The following MALRD1 variants were observed in gnomAD, a reference collection of about 807,000 sequenced individuals.
MALRD1 encodes MAM and LDL-receptor class A domain-containing protein 1.
MALRD1 carries 247 observed loss-of-function variants against 242.1 expected under a neutral mutation model. That is an observed-to-expected ratio of 1.02 (90% confidence interval 0.92 to 1.13). MALRD1 has a LOEUF of 1.13. Ranked by LOEUF, MALRD1 falls within the 50% of genes most tolerant of loss-of-function variation. The probability of loss-of-function intolerance (pLI) is 0.00; values close to 1 mark genes in which losing one functional copy is unlikely to be tolerated. For synonymous variants in MALRD1, 995 were observed against 866.6 expected, an observed-to-expected ratio of 1.15 and a Z score of -2.60; for missense variants, 2,989 against 2,533.1, an observed-to-expected ratio of 1.18 and a Z score of -3.86.
At chr10:19,489,339 A>G (rs1837380172) in intron 29 of MALRD1, 2 of 537,966 alleles carry the variant, frequency 3.7e-6, no homozygotes, top group Non-Finnish European at 7.5e-6. Flanking sequence ...GAAAACGGGG[A>G]AAGGAAAACT....
At chr10:19,249,140 G>A (rs1239297154) in intron 18 of MALRD1, among the ~76,000 whole-genome samples, 1 of 151,114 alleles carries the variant, frequency 6.6e-6, no homozygotes, top group Non-Finnish European at 1.5e-5. Context: ...TCTAACAAAT[G>A]AAATTGATAT....
At chr10:19,136,439 G>T (rs1833342447) in intron 9 of MALRD1, 135 bp from the exon 10 acceptor site, 2 of 432,328 alleles carry the variant, frequency 4.6e-6, no homozygotes, top group Non-Finnish European at 3.9e-6. Context: ...TATCAAACAG[G>T]AACTTTGTTA....
intron 18 of MALRD1, among the ~76,000 whole-genome samples, chr10:19,235,452 T>C (rs1048316353): frequency 3.7e-5 from 5 of 135,118 alleles, no homozygotes; most frequent in African/African-American, 1.4e-4. Context: ...CCTTTGCCCA[T>C]TTTTTAATCG....
At chr10:19,395,348 C>T (rs1444163854) in intron 28 of MALRD1, among the ~76,000 whole-genome samples, 1 of 152,092 alleles carries the variant, frequency 6.6e-6, no homozygotes, top group African/African-American at 2.4e-5. Flanking sequence ...AGACATCAAT[C>T]AACATATGTA....
At chr10:19,072,260 A>G (rs1026408448) in intron 2 of MALRD1, among the ~76,000 whole-genome samples, 35 of 152,038 alleles carry the variant, frequency 2.3e-4, no homozygotes, top group African/African-American at 8.2e-4. Flanking sequence ...CTGATAGCAA[A>G]TATTTTAGGC....
Position 19,066,877 on chromosome 10 carries a change from A to C in MALRD1, c.340+18A>C. On this transcript the variant is annotated intron_variant, in intron 2 of 39. Coordinates refer to ENST00000454679, the MANE Select transcript of MALRD1 (RefSeq NM_001142308.3). ...TGTGTCTGGTAAATGCTTTAAATTT[A>C]TTTTCTCCCCTCTCTCCCTTCCTCC... 8.1e-7 allele frequency: 1 copy of C among 1,232,680 alleles called. No individual in the cohort carries two copies. Among genetic ancestry groups the C allele is most frequent in the Non-Finnish European group, 1.0e-6 (1 of 987,420 alleles). 76.4% of individuals were successfully genotyped at this position (1,232,680 alleles called of 1,614,324 possible). A position where few individuals can be genotyped will look rare whatever the true frequency, so the allele number is the denominator to read the frequency against.
intron 20 of MALRD1, among the ~76,000 whole-genome samples, chr10:19,281,528 A>G (rs540304261): frequency 6.6e-5 from 10 of 152,324 alleles, no homozygotes; most frequent in African/African-American, 2.4e-4. Flanking sequence ...AGTTTTTATA[A>G]TTTTGAACAA....
intron 21 of MALRD1, among the ~76,000 whole-genome samples, chr10:19,295,219 A>C (rs1841639769): frequency 6.6e-6 from 1 of 152,114 alleles, no homozygotes; most frequent in South Asian, 2.1e-4. Flanking sequence ...ATAAATTATT[A>C]CAAATTATTA....
rs558441511 is a variant in MALRD1, at chr10:19,252,244, A to G, written c.2992-5440A>G. Among the ~76,000 whole-genome samples, 5 of 152,096 alleles carry G rather than the reference A, an allele frequency of 3.3e-5. No individual in the cohort carries two copies. In the East Asian group the frequency reaches 9.7e-4, roughly 30 times the overall value. On this transcript the variant is annotated intron_variant, in intron 18 of 39. Transcript: ENST00000454679. ...TTGTGAGATATCCTACTTTTGAAAT[A>G]TTGGCAACCAATCTGACTCAAGAGC...
At position 19,379,004 on chromosome 10, in the gene MALRD1, T is replaced by A. The variant is rs988763455; in HGVS notation, c.4442-8524T>A. ...TGTAATAGTTGTAGGGCTGTTCACC[T>A]TTTTTTTCCTCTAGTTGGATTTGGT... On this transcript the variant is annotated intron_variant, in intron 26 of 39. Transcript: ENST00000454679. 2.0e-5 allele frequency among the ~76,000 whole-genome samples: 3 copies of A among 151,944 alleles called. No individual in the cohort carries two copies. In the East Asian group the frequency reaches 5.8e-4, roughly 29 times the overall value.
chr10:19,403,742 C>T (rs1019392175), intron 28 of MALRD1, among the ~76,000 whole-genome samples: 18 of 151,990 alleles, frequency 1.2e-4, no homozygotes, highest in African/African-American at 2.9e-4. Flanking sequence ...CAAATAAAAT[C>T]GTACCAAAGT....
At chr10:19,275,599 G>A (rs111751741) in intron 19 of MALRD1, among the ~76,000 whole-genome samples, 1 of 152,124 alleles carries the variant, frequency 6.6e-6, no homozygotes, top group Non-Finnish European at 1.5e-5. Context: ...AACCCGGGAG[G>A]CGGAGCTTGC....
chr10:19,317,863 A>G (rs1354727882), intron 21 of MALRD1, among the ~76,000 whole-genome samples: 2 of 152,144 alleles, frequency 1.3e-5, no homozygotes, highest in South Asian at 4.1e-4. Flanking sequence ...CTTTTTATGT[A>G]ATGACTTTTA....
chr10:19,645,981 T>G (rs2131691735), intron 36 of MALRD1, among the ~76,000 whole-genome samples: 1 of 152,324 alleles, frequency 6.6e-6, no homozygotes. Flanking sequence ...CAAATTCTGG[T>G]TTGCCTTTGT....
chr10:19,519,051 C>A (rs552916161), intron 31 of MALRD1, among the ~76,000 whole-genome samples: 18 of 152,148 alleles, frequency 1.2e-4, no homozygotes, highest in African/African-American at 4.3e-4. Context: ...CTTTTTCTGT[C>A]TTTTCTTTGA....
intron 36 of MALRD1, among the ~76,000 whole-genome samples, chr10:19,685,905 G>A (rs944366576): frequency 2.0e-5 from 3 of 152,160 alleles, no homozygotes; most frequent in African/African-American, 7.2e-5. Context: ...GCGGTGATAG[G>A]TGTGGTTCTG....
At chr10:19,313,182 A>G (rs181590816) in intron 21 of MALRD1, among the ~76,000 whole-genome samples, 1 of 151,618 alleles carries the variant, frequency 6.6e-6, no homozygotes, top group Non-Finnish European at 1.5e-5. Context: ...TTCAGCACTC[A>G]CCATGCAAAT....
At chr10:19,668,217 C>T (rs557211688) in intron 36 of MALRD1, among the ~76,000 whole-genome samples, 1 of 152,298 alleles carries the variant, frequency 6.6e-6, no homozygotes, top group African/African-American at 2.4e-5. Context: ...GTTTCATTTC[C>T]TCCCTGGTTC....
chr10:19,225,516 A>G (rs1837760441), intron 18 of MALRD1, among the ~76,000 whole-genome samples: 1 of 144,382 alleles, frequency 6.9e-6, no homozygotes, highest in African/African-American at 2.6e-5. Flanking sequence ...TGTTATATAT[A>G]TATTTTTTCT....
Sources: allele counts gnomAD v4.1 joint callset (sites outside exome capture counted in the v4.1 genomes callset), GRCh38; gene constraint gnomAD v4.1.1; transcripts MANE v1.5; gene names NCBI Gene and HGNC (gene_info 2026-07-23, HGNC 2026-07-21).